Variants in STXBP5L observed in about 807,000 individuals in gnomAD.
STXBP5L encodes the protein syntaxin-binding protein 5-like.
STXBP5L carries 65 observed loss-of-function variants against 144.5 expected under a neutral mutation model. That is an observed-to-expected ratio of 0.45 (90% CI 0.37 to 0.55). The LOEUF is 0.55. Among genes scored for constraint, STXBP5L ranks in the 20% least tolerant of loss-of-function variants. STXBP5L has a pLI of 0.00. For synonymous variants in STXBP5L, 505 were observed against 469.6 expected (o/e 1.08, Z -0.97); for missense variants, 1,298 against 1,405.5 (o/e 0.92, Z 1.22).
chr3:121,360,048 TAGTA>T (rs1281625478), intron 20 of STXBP5L, among the ~76,000 whole-genome samples: 2 of 145,762 alleles, frequency 1.4e-5, no homozygotes, highest in Admixed American at 7.0e-5. Flanking sequence ...ATATAATATA[TAGTA>T]ATAATATATA....
chr3:121,293,469 A>AAC (rs1363606185), intron 19 of STXBP5L, among the ~76,000 whole-genome samples: 3 of 55,962 alleles, frequency 5.4e-5, no homozygotes, highest in African/African-American at 9.1e-5. Context: ...ACATTTTATA[A>AAC]ACATTAATTA....
chr3:121,094,071 G>A (rs1250637215), intron 5 of STXBP5L, among the ~76,000 whole-genome samples: 2 of 152,136 alleles, frequency 1.3e-5, no homozygotes, highest in Admixed American at 6.5e-5. Flanking sequence ...TTTTCATGTA[G>A]TTGAGCGGTT....
chr3:121,104,380 A>C (rs931960543), intron 5 of STXBP5L, among the ~76,000 whole-genome samples: 1 of 152,238 alleles, frequency 6.6e-6, no homozygotes, highest in Non-Finnish European at 1.5e-5. Context: ...CATTCTTCAC[A>C]GAACTAGAAA....
intron 23 of STXBP5L, among the ~76,000 whole-genome samples, chr3:121,410,688 A>G (rs2047095486): frequency 6.6e-6 from 1 of 152,074 alleles, no homozygotes; most frequent in Non-Finnish European, 1.5e-5. Context: ...GAGAAATAGA[A>G]GAGGCTTATC....
intron 5 of STXBP5L, among the ~76,000 whole-genome samples, chr3:121,098,900 C>G (rs907104383): frequency 1.3e-5 from 2 of 152,110 alleles, no homozygotes; most frequent in South Asian, 4.1e-4. Flanking sequence ...AAATAATTTT[C>G]TCCATTTCAG....
chr3:121,323,909 A>C (rs1160633819), intron 20 of STXBP5L, among the ~76,000 whole-genome samples: 1 of 152,096 alleles, frequency 6.6e-6, no homozygotes, highest in Non-Finnish European at 1.5e-5. Context: ...AAAACTTACC[A>C]AGCTTTCAAC....
At chr3:121,355,350 T>C (rs560402944) in intron 20 of STXBP5L, among the ~76,000 whole-genome samples, 56 of 152,274 alleles carry the variant, frequency 3.7e-4, no homozygotes, top group African/African-American at 1.3e-3. Flanking sequence ...AGTCTTTTCA[T>C]ATAGTCCCAT....
intron 19 of STXBP5L, among the ~76,000 whole-genome samples, chr3:121,301,443 G>A (rs1210064872): frequency 6.6e-6 from 1 of 152,128 alleles, no homozygotes; most frequent in African/African-American, 2.4e-5. Flanking sequence ...AGGAGATTTT[G>A]GGCTGAGATG....
chr3:121,166,400 T>A (rs1426098180), intron 9 of STXBP5L, among the ~76,000 whole-genome samples: 1 of 152,214 alleles, frequency 6.6e-6, no homozygotes, highest in Non-Finnish European at 1.5e-5. Flanking sequence ...TTCACTAATT[T>A]TCTCTTCAGC....
chr3:121,103,210 A>G (rs2043518895), intron 5 of STXBP5L, among the ~76,000 whole-genome samples: 1 of 148,194 alleles, frequency 6.7e-6, no homozygotes, highest in Admixed American at 6.7e-5. Context: ...TATCCATAGA[A>G]AAATAAATTG....
intron 3 of STXBP5L, among the ~76,000 whole-genome samples, chr3:121,007,187 C>A (rs1559991029): frequency 6.6e-6 from 1 of 152,070 alleles, no homozygotes. Context: ...TGTTAAACTA[C>A]ATTAATTTTG....
At chr3:121,018,083 GAAT>G (rs1945270578) in intron 3 of STXBP5L, among the ~76,000 whole-genome samples, 1 of 148,498 alleles carries the variant, frequency 6.7e-6, no homozygotes, top group Non-Finnish European at 1.5e-5. Flanking sequence ...TTTTTCAAAT[GAAT>G]GAATGAATGA....
At chr3:121,114,897 A>T (rs1484678103) in intron 5 of STXBP5L, 28 bp from the exon 6 acceptor site, 1 of 1,421,408 alleles carries the variant, frequency 7.0e-7, no homozygotes, top group African/African-American at 1.5e-5. Context: ...AAATTTAGAT[A>T]TTTTAATTAT....
At chr3:121,010,252 A>G (rs1944671761) in intron 3 of STXBP5L, among the ~76,000 whole-genome samples, 1 of 151,818 alleles carries the variant, frequency 6.6e-6, no homozygotes, top group African/African-American at 2.4e-5. Context: ...TCTTTGGGGA[A>G]GGAGTGAGGG....
chr3:121,051,222 G>A (rs1358655936), intron 5 of STXBP5L, among the ~76,000 whole-genome samples: 4 of 152,116 alleles, frequency 2.6e-5, no homozygotes, highest in East Asian at 1.9e-4. Context: ...ACTCAGCTCT[G>A]CACCAAGCAG....
intron 3 of STXBP5L, among the ~76,000 whole-genome samples, chr3:120,996,827 G>A (rs1176290448): frequency 6.6e-6 from 1 of 152,096 alleles, no homozygotes; most frequent in African/African-American, 2.4e-5. Flanking sequence ...TCTAGGTTCA[G>A]GGGGGTACAT....
intron 2 of STXBP5L, among the ~76,000 whole-genome samples, chr3:120,910,206 A>G (rs1242097975): frequency 6.6e-6 from 1 of 152,242 alleles, no homozygotes; most frequent in Non-Finnish European, 1.5e-5. Context: ...GGCCAATGAC[A>G]TTGCTTTAAA....
intron 16 of STXBP5L, among the ~76,000 whole-genome samples, chr3:121,255,521 A>G (rs982480298): frequency 6.6e-6 from 1 of 151,982 alleles, no homozygotes; most frequent in Non-Finnish European, 1.5e-5. Context: ...TCTTCTATAT[A>G]TACTAATAAA....
chr3:121,164,293 A>G (rs931922019), intron 9 of STXBP5L, among the ~76,000 whole-genome samples: 2 of 152,350 alleles, frequency 1.3e-5, no homozygotes, highest in African/African-American at 2.4e-5. Flanking sequence ...CAAAACCACT[A>G]TGAGAAATCA....
Sources: gnomAD v4.1 joint callset for allele counts (sites outside exome capture counted in the v4.1 genomes callset) on GRCh38, gnomAD v4.1.1 for gene constraint, MANE v1.5 for transcripts, NCBI Gene and HGNC (gene_info 2026-07-23, HGNC 2026-07-21) for gene names.